The following PHF21A variants were observed in gnomAD, a reference collection of about 807,000 sequenced individuals.
PHF21A encodes the protein BHC80a.
PHF21A carries 11 observed loss-of-function variants against 82.5 expected under a neutral mutation model. The ratio of observed to expected loss-of-function variants is 0.13; its 90% confidence interval spans 0.08 to 0.22. The LOEUF (loss-of-function observed/expected upper bound fraction) is 0.22, where lower values mean the gene tolerates loss of function less well. Ranked by LOEUF, PHF21A falls within the 10% of genes least tolerant of loss-of-function variation. The probability of loss-of-function intolerance (pLI) is 1.00; values close to 1 mark genes in which losing one functional copy is unlikely to be tolerated. For synonymous variants in PHF21A, 297 were observed against 302.8 expected (o/e 0.98, Z 0.20); for missense variants, 579 against 837.8 (o/e 0.69, Z 3.81).
chr11:45,966,803 C>T (rs1173424808), intron 9 of PHF21A, among the ~76,000 whole-genome samples: 2 of 151,924 alleles, frequency 1.3e-5, no homozygotes, highest in East Asian at 1.9e-4. Context: ...ATTTTTAGTA[C>T]GGACAGGGTT....
intron 1 of PHF21A, chr11:46,119,744 G>GAAA (rs60856235): frequency 2.0e-4 from 28 of 139,952 alleles, no homozygotes; most frequent in Non-Finnish European, 3.2e-4. Context: ...GTGGTCAGGG[G>GAAA]AAAAAAAAAA....
chr11:46,010,803 C>T (rs181429800), intron 6 of PHF21A, among the ~76,000 whole-genome samples: 68 of 152,306 alleles, frequency 4.5e-4, no homozygotes, highest in African/African-American at 1.6e-3. Flanking sequence ...ACTAACTCTA[C>T]ACCCCTACCC....
chr11:45,991,321 T>TA (rs2094692059), intron 6 of PHF21A, among the ~76,000 whole-genome samples: 1 of 152,186 alleles, frequency 6.6e-6, no homozygotes, highest in Admixed American at 6.6e-5. Context: ...CTATAACTGT[T>TA]ACATAAAAAC....
intron 6 of PHF21A, among the ~76,000 whole-genome samples, chr11:46,012,375 A>G (rs1186684160): frequency 6.6e-6 from 1 of 152,144 alleles, no homozygotes; most frequent in Admixed American, 6.5e-5. Flanking sequence ...ATGCTTTTCA[A>G]GTTTCTGTCC....
chr11:46,031,562 G>A (rs914265126), intron 6 of PHF21A, among the ~76,000 whole-genome samples: 1 of 152,168 alleles, frequency 6.6e-6, no homozygotes. Context: ...CAGCCGGTAC[G>A]AATTCATTCT....
chr11:46,000,408 C>T (rs1591796909), intron 6 of PHF21A, among the ~76,000 whole-genome samples: 1 of 152,140 alleles, frequency 6.6e-6, no homozygotes, highest in Non-Finnish European at 1.5e-5. Flanking sequence ...GAATTCACTG[C>T]TGAAAATGAC....
intron 1 of PHF21A, among the ~76,000 whole-genome samples, chr11:46,111,279 G>C (rs1459687044): frequency 2.0e-5 from 3 of 151,328 alleles, no homozygotes; most frequent in Admixed American, 6.6e-5. Flanking sequence ...AGACCAGCCT[G>C]GCCAACATGG....
intron 16 of PHF21A, among the ~76,000 whole-genome samples, chr11:45,937,116 GCAC>G (rs1338275801): frequency 6.6e-6 from 1 of 152,204 alleles, no homozygotes; most frequent in African/African-American, 2.4e-5. Context: ...GTGTTCCGCT[GCAC>G]CACAGGCTGC....
intron 3 of PHF21A, among the ~76,000 whole-genome samples, chr11:46,085,868 ACAT>A (rs1380608524): frequency 6.6e-6 from 1 of 152,146 alleles, no homozygotes; most frequent in Non-Finnish European, 1.5e-5. Flanking sequence ...TAGGCATAAA[ACAT>A]CAGCAGAAAT....
At chr11:46,030,480 A>G (rs910809384) in intron 6 of PHF21A, among the ~76,000 whole-genome samples, 4 of 152,192 alleles carry the variant, frequency 2.6e-5, no homozygotes, top group African/African-American at 9.7e-5. Context: ...CAGCATTTTA[A>G]AAAGATCCAA....
intron 6 of PHF21A, among the ~76,000 whole-genome samples, chr11:45,980,171 A>C (rs1439938244): frequency 2.0e-5 from 3 of 152,244 alleles, no homozygotes; most frequent in African/African-American, 7.2e-5. Context: ...GAAATGTTTT[A>C]TATATAAAGG....
chr11:46,100,444 G>A (rs1024374608), intron 1 of PHF21A, among the ~76,000 whole-genome samples: 3 of 152,104 alleles, frequency 2.0e-5, no homozygotes, highest in African/African-American at 7.2e-5. Context: ...CCGGTTAAAA[G>A]AATAAGTTTT....
chr11:45,950,735 C>T (rs1374602030), intron 11 of PHF21A, among the ~76,000 whole-genome samples: 4 of 152,036 alleles, frequency 2.6e-5, no homozygotes, highest in Non-Finnish European at 4.4e-5. Context: ...CCGAGTGACC[C>T]GCCCCACAGA....
chr11:45,965,523 C>A lies in PHF21A; in HGVS notation c.788G>T (p.Arg263Met), dbSNP rs1349026591. ...GGTGAACTTGGTCAGCATGACGGGCCTCTGGATAAGCTGAGGAGCTGCGAG... is the reference window on the plus strand; with the variant it reads ...GGTGAACTTGGTCAGCATGACGGGCATCTGGATAAGCTGAGGAGCTGCGAG... ...PMLAAPQLIQ[R>M]PVMLTKFTPT... Residue 263 changes from arginine (R) to methionine (M), a missense_variant, in exon 10 of 19, where the codon AGG (arginine) becomes ATG (methionine). Arg to Met is a moderately conservative substitution (Grantham distance 91). Transcript: ENST00000676320. The A allele has an allele frequency of 6.2e-7, 1 of 1,609,658 alleles. No homozygotes were observed. Among genetic ancestry groups the A allele is most frequent in the Non-Finnish European group, 8.5e-7 (1 of 1,177,600 alleles).
intron 8 of PHF21A, chr11:45,970,143 A>AT (rs2093665274): frequency 9.4e-6 from 4 of 427,478 alleles, no homozygotes; most frequent in African/African-American, 8.3e-5. Context: ...TGGAGAACAT[A>AT]GCAGGCTCAG....
intron 10 of PHF21A, among the ~76,000 whole-genome samples, chr11:45,961,978 G>C (rs545536170): frequency 6.6e-6 from 1 of 152,250 alleles, no homozygotes; most frequent in East Asian, 1.9e-4. Flanking sequence ...TAAGGAAGTT[G>C]GTTATGTCTG....
chr11:46,047,456 G>C (rs572396691), intron 6 of PHF21A, among the ~76,000 whole-genome samples: 4 of 151,880 alleles, frequency 2.6e-5, no homozygotes, highest in Non-Finnish European at 5.9e-5. Flanking sequence ...AATATTCCTG[G>C]CTTGTTCTTC....
chr11:46,089,027 C>T (rs572953522), intron 3 of PHF21A, among the ~76,000 whole-genome samples: 3 of 136,234 alleles, frequency 2.2e-5, no homozygotes, highest in East Asian at 2.3e-4. Flanking sequence ...CTTTAACTAA[C>T]GATAAGTCCA....
chr11:45,968,907 T>G (rs529057855), intron 9 of PHF21A, among the ~76,000 whole-genome samples: 63 of 129,992 alleles, frequency 4.8e-4, no homozygotes, highest in Non-Finnish European at 5.4e-4. Flanking sequence ...CTCCAGCCTG[T>G]GCGATGGGAG....
Sources: allele counts gnomAD v4.1 joint callset (sites outside exome capture counted in the v4.1 genomes callset), GRCh38; gene constraint gnomAD v4.1.1; transcripts MANE v1.5; gene names NCBI Gene and HGNC (gene_info 2026-07-23, HGNC 2026-07-21).